JAK1: variants seen among roughly 807,000 people sequenced by gnomAD.
JAK1 encodes Janus kinase 1.
JAK1 carries 16 observed loss-of-function variants against 136.6 expected under a neutral mutation model. The observed-to-expected ratio is 0.12, with a 90% CI of 0.08 to 0.18. JAK1 has a LOEUF of 0.18. Among genes scored for constraint, JAK1 ranks in the 10% least tolerant of loss-of-function variants. JAK1 has a pLI of 1.00. For missense variants in JAK1, 859 were observed against 1,450.1 expected (o/e 0.59, Z 6.62); for synonymous variants, 492 against 519.5 (o/e 0.95, Z 0.72).
At chr1:64,936,523 C>T (rs1268522418) in intron 1 of JAK1, among the ~76,000 whole-genome samples, 2 of 152,144 alleles carry the variant, frequency 1.3e-5, no homozygotes, top group Non-Finnish European at 2.9e-5. Context: ...AAGAGAGGTA[C>T]CTTATGTCAC....
At chr1:64,877,641 A>G (rs996327279) in intron 4 of JAK1, among the ~76,000 whole-genome samples, 1 of 152,208 alleles carries the variant, frequency 6.6e-6, no homozygotes. Context: ...GAAAGAGTTG[A>G]ATTAGGTAAC....
At chr1:65,053,698 G>T (rs1008395238) in intron 1 of JAK1, among the ~76,000 whole-genome samples, 1 of 151,852 alleles carries the variant, frequency 6.6e-6, no homozygotes, top group African/African-American at 2.4e-5. Flanking sequence ...AAAAATTTTT[G>T]AAAAATTAGC....
At chr1:64,837,253 T>C (rs1032828854) in intron 22 of JAK1, among the ~76,000 whole-genome samples, 6 of 152,202 alleles carry the variant, frequency 3.9e-5, no homozygotes, top group African/African-American at 7.2e-5. Flanking sequence ...TGATGCATTT[T>C]CTTAAATGAA....
At chr1:65,049,614 C>T (rs1338996911) in intron 1 of JAK1, among the ~76,000 whole-genome samples, 8 of 152,230 alleles carry the variant, frequency 5.3e-5, no homozygotes, top group Middle Eastern at 3.4e-3. Context: ...CCTTGGGGCA[C>T]ATGTTTGTTG....
intron 2 of JAK1, among the ~76,000 whole-genome samples, chr1:64,982,426 T>G (rs1228862541): frequency 6.6e-6 from 1 of 152,178 alleles, no homozygotes; most frequent in Non-Finnish European, 1.5e-5. Flanking sequence ...ACCATCCATA[T>G]TCTTTGAAGC....
intron 1 of JAK1, among the ~76,000 whole-genome samples, chr1:64,912,075 C>T (rs1645294425): frequency 6.6e-6 from 1 of 152,158 alleles, no homozygotes; most frequent in African/African-American, 2.4e-5. Flanking sequence ...ATGGTCACTC[C>T]ATCGAGTAAT....
At chr1:65,047,650 C>T (rs973980438) in intron 1 of JAK1, among the ~76,000 whole-genome samples, 30 of 151,396 alleles carry the variant, frequency 2.0e-4, no homozygotes, top group Non-Finnish European at 3.4e-4. Context: ...ACCTGGGAGG[C>T]GGAGCTTGCA....
At chr1:64,845,489 T>A in intron 15 of JAK1, 24 bp downstream of exon 15, 1 of 1,613,644 alleles carries the variant, frequency 6.2e-7, no homozygotes, top group Non-Finnish European at 8.5e-7. Context: ...GGTGGGACCA[T>A]TATGGACATC....
intron 1 of JAK1, among the ~76,000 whole-genome samples, chr1:65,065,792 AT>A (rs1648014907): frequency 6.6e-6 from 1 of 151,096 alleles, no homozygotes; most frequent in African/African-American, 2.4e-5. Context: ...TAAGGGGAAA[AT>A]AAAGGGGGCT....
chr1:64,883,322 C>G lies in JAK1; in HGVS notation c.160G>C (p.Glu54Gln). 1.2e-6 allele frequency: 2 copies of G among 1,614,164 alleles called. No individual in the cohort carries two copies. The highest frequency in any genetic ancestry group is 1.7e-6 in the Non-Finnish European group (2 of 1,180,008). ...ATGCACAGTTCCTCTGCTGTGTACT[C>G]TCCACTGCCCAGCCGGAGGGGCTCC... ...DREPLRLGSG[E>Q]YTAEELCIRA... is the part of the protein sequence containing the mutation. The change falls in exon 3 of 25, where the codon GAG (glutamate) becomes CAG (glutamine). Residue 54 changes from glutamate to glutamine, a missense_variant. Glu to Gln is a conservative substitution (Grantham distance 29, BLOSUM62 2). Coordinates refer to ENST00000342505, the MANE Select transcript of JAK1 (RefSeq NM_002227.4).
chr1:64,941,964 T>C (rs1366631276), intron 1 of JAK1: 1 of 152,178 alleles, frequency 6.6e-6, no homozygotes, highest in Non-Finnish European at 1.5e-5. Flanking sequence ...AGCGACTGTG[T>C]CAGCTTGGTT....
At chr1:65,050,719 T>C (rs992609152) in intron 1 of JAK1, among the ~76,000 whole-genome samples, 1 of 152,238 alleles carries the variant, frequency 6.6e-6, no homozygotes, top group African/African-American at 2.4e-5. Flanking sequence ...GGGGAGGCAG[T>C]GTATGGTGCA....
chr1:64,880,136 C>T (rs1644747094), intron 3 of JAK1, among the ~76,000 whole-genome samples: 1 of 152,146 alleles, frequency 6.6e-6, no homozygotes, highest in Non-Finnish European at 1.5e-5. Context: ...CCAGCACACC[C>T]AGGCGGGGAC....
chr1:65,046,650 G>C (rs973430911), intron 1 of JAK1, among the ~76,000 whole-genome samples: 1 of 151,930 alleles, frequency 6.6e-6, no homozygotes, highest in African/African-American at 2.4e-5. Flanking sequence ...ACTGGGGATG[G>C]GGCTGAAGGG....
chr1:64,839,120 T>C (rs1242442122), intron 20 of JAK1, among the ~76,000 whole-genome samples: 2 of 115,218 alleles, frequency 1.7e-5, no homozygotes, highest in African/African-American at 3.7e-5. Context: ...CAGTCCAGCC[T>C]GGGCCACAGA....
rs780968006 is a variant in JAK1 at position 65,053,030 on chromosome 1, C to CAA, written c.-180-8450_-180-8449dup. Among the ~76,000 whole-genome samples, 259 of 43,696 alleles carry CAA rather than the reference C, an allele frequency of 5.9e-3. 5 individuals carry two copies. The highest frequency in any genetic ancestry group is 0.04 in the Middle Eastern group (2 of 50). 28.7% of individuals were successfully genotyped at this position (43,696 alleles called of 152,430 possible). On this transcript the variant is annotated intron_variant, in intron 1 of 25. Transcript: ENST00000671954. Reference sequence around the variant, plus strand: ...TGGTGACAGAGCAAGACTCTTGTCTCAAAAAAAAAAAAAAAAAAAAAAAAA... The same window carrying CAA: ...TGGTGACAGAGCAAGACTCTTGTCTCAAAAAAAAAAAAAAAAAAAAAAAAAAA...
At chr1:64,997,026 A>C (rs1252881479) in intron 2 of JAK1, among the ~76,000 whole-genome samples, 2 of 152,226 alleles carry the variant, frequency 1.3e-5, no homozygotes, top group Non-Finnish European at 2.9e-5. Flanking sequence ...TTTGCAGGTC[A>C]AGTCACCCAC....
intron 1 of JAK1, among the ~76,000 whole-genome samples, chr1:64,891,099 T>G (rs1208441217): frequency 6.6e-6 from 1 of 152,120 alleles, no homozygotes; most frequent in African/African-American, 2.4e-5. Context: ...CCATAATTTG[T>G]TAAACTGATT....
chr1:64,847,381 A>C lies in JAK1; in HGVS notation c.1899+151T>G, dbSNP rs549805679. 2.9e-4 allele frequency: 250 copies of C among 854,034 alleles called. 5 individuals are homozygous for C. The East Asian group carries it at 6.1e-3, about 21-fold the overall frequency. 52.9% of individuals were successfully genotyped at this position (854,034 alleles called of 1,614,324 possible). A position where few individuals can be genotyped will look rare whatever the true frequency, so the allele number is the denominator to read the frequency against. ...CTTACTCTACATGCAGGGTCCACTA[A>C]GATCATATGTGGAGAAAAAAATTCT... On this transcript the variant is annotated intron_variant, in intron 13 of 24. Transcript: ENST00000342505.
Sources: gnomAD v4.1 joint callset for allele counts (sites outside exome capture counted in the v4.1 genomes callset) on GRCh38, gnomAD v4.1.1 for gene constraint, MANE v1.5 for transcripts, NCBI Gene and HGNC (gene_info 2026-07-23, HGNC 2026-07-21) for gene names.